TBC1D26: variants seen among roughly 807,000 people sequenced by gnomAD.
The protein encoded by TBC1D26 is TBC1 domain family, member 26.
A neutral mutation model predicts 42.5 loss-of-function variants in TBC1D26; 19 were observed. The observed-to-expected ratio is 0.45, with a 90% confidence interval of 0.31 to 0.66. TBC1D26 has a LOEUF of 0.66. Ranked by LOEUF, TBC1D26 falls within the 30% of genes least tolerant of loss-of-function variation. TBC1D26 has a pLI of 0.06. For synonymous variants in TBC1D26, 97 were observed against 123.5 expected (o/e 0.79, Z 1.42); for missense variants, 228 against 332.6 (o/e 0.69, Z 2.45).
intron 4 of TBC1D26, chr17:15,736,513 C>T (rs530387319): frequency 9.8e-4 from 149 of 151,830 alleles, no homozygotes; most frequent in African/African-American, 3.5e-3. Context: ...TCTGCATGGC[C>T]CTCCAGAGAT....
intron 9 of TBC1D26, chr17:15,740,911 C>G (rs1967758723): frequency 6.0e-6 from 4 of 667,416 alleles, no homozygotes; most frequent in Non-Finnish European, 9.8e-6. Context: ...TGCAGGAGTC[C>G]CCCCATGCTC....
At chr17:15,742,353 G>A (rs1967812040) in intron 11 of TBC1D26, 61 bp from the exon 12 acceptor site, 1 of 412,308 alleles carries the variant, frequency 2.4e-6, no homozygotes, top group Non-Finnish European at 4.5e-6. Context: ...AGAGGGGCCT[G>A]GAAGTGGGAG....
chr17:15,740,686 G>T (rs1345770580), intron 9 of TBC1D26: 1 of 1,084,064 alleles, frequency 9.2e-7, no homozygotes, highest in Non-Finnish European at 1.1e-6. Flanking sequence ...CCACATGGAG[G>T]ACCCAGCCAC....
chr17:15,740,782 T>A, intron 9 of TBC1D26: 1 of 921,256 alleles, frequency 1.1e-6, no homozygotes, highest in Non-Finnish European at 1.4e-6. Flanking sequence ...TCGTGGCAGG[T>A]GCAGTTCACA....
At chr17:15,734,897 C>T (rs879059925) in intron 1 of TBC1D26, 33 bp from the exon 2 acceptor site, 2 of 194,868 alleles carry the variant, frequency 1.0e-5, no homozygotes, top group Non-Finnish European at 2.1e-5. Flanking sequence ...TGGGGTAGAA[C>T]GGAGCAGTCA....
chr17:15,734,359 G>A (rs1026613003), intron 1 of TBC1D26, among the ~76,000 whole-genome samples: 1 of 152,128 alleles, frequency 6.6e-6, no homozygotes, highest in African/African-American at 2.4e-5. Flanking sequence ...CCCACAGGAG[G>A]AGGTCTCACC....
rs771680632 is a variant in TBC1D26 at position 15,738,700 on chromosome 17, C to T, written c.388-21C>T. On this transcript the variant is annotated intron_variant, in intron 7 of 14. Coordinates refer to ENST00000437605, the MANE Select transcript of TBC1D26 (RefSeq NM_001388465.1). Reference sequence around the variant, plus strand: ...TTTGTCTGTTCTGAGGCTGCTTCCTCCTCTTGGCCCTGCCCTACAGGTCAT... The same window carrying T: ...TTTGTCTGTTCTGAGGCTGCTTCCTTCTCTTGGCCCTGCCCTACAGGTCAT... The T allele has an allele frequency of 2.2e-5, 35 of 1,613,848 alleles. No individual in the cohort carries two copies. In the Admixed American group the frequency reaches 5.8e-4, roughly 27 times the overall value.
rs1967586411 is a variant in TBC1D26, at chr17:15,735,388, G to C, written c.40G>C (p.Gly14Arg). 1 of 1,613,620 alleles carries C rather than the reference G, an allele frequency of 6.2e-7. No individual in the cohort carries two copies. ...GGACCCGTATAACCTGCCTGCCCAG[G>C]GGCAAGGCAATATCATCATTACTAA... ...DGDPYNLPAQ[G>R]QGNIIITKYE... The change falls in exon 3 of 15, where the codon GGG becomes CGG. Residue 14 changes from glycine (G) to arginine (R), a missense_variant. Gly to Arg is a moderately radical substitution (Grantham distance 125). Around this residue, in one of 5 missense-constraint regions of TBC1D26, gnomAD observed 18 missense variants for 22.5 expected, o/e 0.80. Transcript: ENST00000437605.
At chr17:15,733,589 A>G (rs1287112888) in intron 1 of TBC1D26, 1 of 152,272 alleles carries the variant, frequency 6.6e-6, no homozygotes, top group East Asian at 1.9e-4. Context: ...TTAAGACTTG[A>G]TGAGCACTTG....
intron 1 of TBC1D26, 148 bp from the exon 2 acceptor site, chr17:15,734,781 GA>G (rs1162116855): frequency 5.7e-6 from 1 of 175,462 alleles, no homozygotes; most frequent in Non-Finnish European, 1.2e-5. Flanking sequence ...GGGTCTCCAT[GA>G]GCACAGAGGC....
intron 9 of TBC1D26, 111 bp from the exon 10 acceptor site, chr17:15,741,011 C>A (rs1967760908): frequency 1.4e-6 from 2 of 1,414,266 alleles, no homozygotes; most frequent in Non-Finnish European, 1.9e-6. Flanking sequence ...TCCCCTGGGG[C>A]CTGAGGCAGG....
intron 9 of TBC1D26, chr17:15,740,760 C>A: frequency 9.8e-7 from 1 of 1,022,360 alleles, no homozygotes; most frequent in Non-Finnish European, 1.2e-6. Context: ...GTCAGCGCCC[C>A]GCTGCCTGCC....
chr17:15,736,975 G>A (rs1318937391), intron 4 of TBC1D26, among the ~76,000 whole-genome samples: 2 of 152,222 alleles, frequency 1.3e-5, no homozygotes, highest in African/African-American at 4.8e-5. Context: ...GCAGGTGCAC[G>A]CTGGGAGGTC....
At chr17:15,733,647 G>A (rs755523579) in intron 1 of TBC1D26, 13 of 152,376 alleles carry the variant, frequency 8.5e-5, no homozygotes, top group South Asian at 2.1e-4. Flanking sequence ...GACGCTGCTC[G>A]TGCACACACA....
At position 15,735,442 on chromosome 17, in the gene TBC1D26, C is replaced by G; in HGVS notation, c.75+19C>G. On this transcript the variant is annotated intron_variant, in intron 3 of 14. Coordinates refer to ENST00000437605, the MANE Select transcript of TBC1D26 (RefSeq NM_001388465.1). ...TGAGCAGGTACAAGTTGGGCCGCTC[C>G]CTCAAGGGAAGCAGGGCCTCGCCTC... is the stretch of plus-strand genomic sequence containing the variant. The G allele has an allele frequency of 6.2e-7, 1 of 1,607,958 alleles. No homozygotes were observed. Among genetic ancestry groups the G allele is most frequent in the South Asian group, 1.1e-5 (1 of 90,438 alleles).
At chr17:15,742,583 G>A (rs1197234752) in intron 12 of TBC1D26, 104 bp downstream of exon 12, 6 of 174,488 alleles carry the variant, frequency 3.4e-5, no homozygotes, top group Admixed American at 6.1e-5. Flanking sequence ...AGGCTCACAA[G>A]CCAGGCTCTG....
intron 9 of TBC1D26, chr17:15,740,596 C>A: frequency 9.2e-7 from 1 of 1,091,066 alleles, no homozygotes; most frequent in Non-Finnish European, 1.1e-6. Flanking sequence ...GGGGGTCACC[C>A]AGGTGGCTGT....
chr17:15,741,495 C>G (rs966767632), intron 10 of TBC1D26: 1 of 532,090 alleles, frequency 1.9e-6, no homozygotes, highest in African/African-American at 1.9e-5. Flanking sequence ...CGTCCGAAGC[C>G]AGCCCCAACT....
In TBC1D26 at chr17:15,732,550, G is replaced by A. The variant is rs893421512; in HGVS notation, c.-143+166G>A. Among the ~76,000 whole-genome samples the A allele has an allele frequency of 2.3e-4, 35 of 149,232 alleles. 1 individual carries two copies. The highest frequency in any genetic ancestry group is 1.0e-3 in the Admixed American group (15 of 14,920). ...ACTCTGTGGGGTGGGTGCTGTCCCC[G>A]AATGTACCCATTCCACAAGTGAGAT... On this transcript the variant is annotated intron_variant, in intron 1 of 14. Transcript: ENST00000437605.
Sources: allele counts gnomAD v4.1 joint callset (sites outside exome capture counted in the v4.1 genomes callset), GRCh38; gene constraint gnomAD v4.1.1; regional missense constraint gnomAD v4.1.1; transcripts MANE v1.5; gene names NCBI Gene and HGNC (gene_info 2026-07-23, HGNC 2026-07-21).